FOXJ3: variants seen among roughly 807,000 people sequenced by gnomAD.
The protein encoded by FOXJ3 is forkhead box J3.
FOXJ3 carries 22 observed loss-of-function variants against 76.1 expected under a neutral mutation model. The ratio of observed to expected loss-of-function variants is 0.29; its 90% CI spans 0.21 to 0.41. FOXJ3 has a LOEUF of 0.41. Among genes scored for constraint, FOXJ3 ranks in the 10% least tolerant of loss-of-function variants. The pLI, the probability that FOXJ3 is intolerant of heterozygous loss-of-function variation, is 1.00. For missense variants in FOXJ3, 613 were observed against 762.1 expected (o/e 0.80, Z 2.30); for synonymous variants, 269 against 261.2 (o/e 1.03, Z -0.29).
chr1:42,331,828 TTAA>T (rs1656182754), intron 1 of FOXJ3, among the ~76,000 whole-genome samples: 1 of 148,658 alleles, frequency 6.7e-6, no homozygotes, highest in African/African-American at 2.5e-5. Context: ...GAAAGCTTTT[TTAA>T]AAAAAAAAAA....
At chr1:42,200,036 A>T (rs1646731225) in intron 6 of FOXJ3, among the ~76,000 whole-genome samples, 1 of 149,172 alleles carries the variant, frequency 6.7e-6, no homozygotes. Flanking sequence ...AAAGGCAAAT[A>T]TAAAGGAAGA....
chr1:42,323,109 T>C (rs1655530270), intron 1 of FOXJ3, among the ~76,000 whole-genome samples: 1 of 152,178 alleles, frequency 6.6e-6, no homozygotes, highest in South Asian at 2.1e-4. Flanking sequence ...AGAAACTGGG[T>C]GTGTTTAGCT....
chr1:42,280,321 AG>A (rs1419687790), intron 2 of FOXJ3: 2 of 982,536 alleles, frequency 2.0e-6, no homozygotes, highest in Non-Finnish European at 2.4e-6. Context: ...CTTGATTTTC[AG>A]GTATGTTGAT....
At chr1:42,185,823 C>T (rs1646424292) in intron 11 of FOXJ3, among the ~76,000 whole-genome samples, 1 of 152,046 alleles carries the variant, frequency 6.6e-6, no homozygotes, top group Non-Finnish European at 1.5e-5. Flanking sequence ...CTCCCCTTCC[C>T]CCTTCCACAC....
chr1:42,181,865 T>TCACACA lies in FOXJ3; in HGVS notation c.1753+46_1753+51dup, dbSNP rs143175153. On this transcript the variant is annotated intron_variant, in intron 12 of 12. Coordinates refer to ENST00000361346, the MANE Select transcript of FOXJ3 (RefSeq NM_014947.5). ...CCTGCCATCGTTGTTCCTGGAGTGC[T>TCACACA]CACACACACACACACACACACACAC... 383 of 964,490 alleles carry TCACACA rather than the reference T, an allele frequency of 4.0e-4. 1 individual carries two copies. Among genetic ancestry groups the TCACACA allele is most frequent in the Middle Eastern group, 2.9e-3 (11 of 3,778 alleles). The allele number at this position is 964,490 out of a possible 1,614,324, so 59.7% of individuals were successfully genotyped here. A position where few individuals can be genotyped will look rare whatever the true frequency, so the allele number is the denominator to read the frequency against.
At chr1:42,248,264 G>A (rs1282657113) in intron 4 of FOXJ3, among the ~76,000 whole-genome samples, 3 of 152,134 alleles carry the variant, frequency 2.0e-5, no homozygotes, top group Admixed American at 6.5e-5. Flanking sequence ...GCCGGGCGTG[G>A]TGGCTCATGC....
intron 1 of FOXJ3, among the ~76,000 whole-genome samples, chr1:42,321,464 T>C (rs1348863238): frequency 3.3e-5 from 5 of 152,102 alleles, no homozygotes; most frequent in Admixed American, 6.5e-5. Context: ...CTGAGGTAAT[T>C]AGAGATCCAG....
At position 42,177,207 on chromosome 1, in the gene FOXJ3, G is replaced by T. The variant is rs1646231121; in HGVS notation, c.*2503C>A. ...CTCCTGGACCACCTGGATCACAGGA[G>T]AGTGGGATGGGTCTGGGTGAAGGCT... On this transcript the variant is annotated 3_prime_UTR_variant, in exon 13 of 13. Transcript: ENST00000361346. The T allele has an allele frequency of 6.5e-6, 1 of 152,696 alleles. No individual in the cohort carries two copies. The highest frequency in any genetic ancestry group is 2.1e-4 in the South Asian group (1 of 4,834). 9.5% of individuals were successfully genotyped at this position (152,696 alleles called of 1,614,324 possible).
chr1:42,192,465 CTATTA>C (rs1197249494), intron 8 of FOXJ3, among the ~76,000 whole-genome samples: 2 of 152,218 alleles, frequency 1.3e-5, no homozygotes, highest in African/African-American at 4.8e-5. Flanking sequence ...TTAAAAGAAA[CTATTA>C]TTTCTAACAC....
chr1:42,303,638 A>G (rs1389483996), intron 2 of FOXJ3, among the ~76,000 whole-genome samples: 1 of 152,250 alleles, frequency 6.6e-6, no homozygotes, highest in Non-Finnish European at 1.5e-5. Flanking sequence ...CAATAATAAA[A>G]GGCATCTTTA....
intron 9 of FOXJ3, among the ~76,000 whole-genome samples, chr1:42,191,033 G>GGATAACGTAA (rs1646530312): frequency 9.7e-6 from 1 of 103,332 alleles, no homozygotes; most frequent in East Asian, 2.8e-4. Context: ...TGATTTGGCA[G>GGATAACGTAA]GATAATGTAA....
chr1:42,324,156 A>G (rs1156434490), intron 1 of FOXJ3, among the ~76,000 whole-genome samples: 1 of 144,272 alleles, frequency 6.9e-6, no homozygotes, highest in Non-Finnish European at 1.5e-5. Flanking sequence ...CTATATATAC[A>G]CTGTGTATAT....
At chr1:42,291,657 TTTTG>T (rs1653445004) in intron 2 of FOXJ3, among the ~76,000 whole-genome samples, 1 of 151,906 alleles carries the variant, frequency 6.6e-6, no homozygotes, top group African/African-American at 2.4e-5. Context: ...AAATTTTTGT[TTTTG>T]TTTTTGTTTT....
intron 1 of FOXJ3, among the ~76,000 whole-genome samples, chr1:42,333,556 C>G (rs933789079): frequency 6.6e-6 from 1 of 152,200 alleles, no homozygotes; most frequent in Admixed American, 6.5e-5. Context: ...TTAATCACGT[C>G]TATATAATAT....
At chr1:42,206,309 A>C (rs1421836996) in intron 5 of FOXJ3, among the ~76,000 whole-genome samples, 1 of 152,188 alleles carries the variant, frequency 6.6e-6, no homozygotes, top group East Asian at 1.9e-4. Context: ...GATGTGTGCC[A>C]CTTCTGGGTC....
intron 5 of FOXJ3, among the ~76,000 whole-genome samples, chr1:42,213,577 C>T (rs1016506028): frequency 6.6e-6 from 1 of 151,606 alleles, no homozygotes; most frequent in Non-Finnish European, 1.5e-5. Context: ...CTCCCAGATT[C>T]ATAAAATCAC....
At chr1:42,183,907 A>G (rs1018099850) in intron 11 of FOXJ3, among the ~76,000 whole-genome samples, 1 of 152,058 alleles carries the variant, frequency 6.6e-6, no homozygotes, top group African/African-American at 2.4e-5. Context: ...AGAATTCAAG[A>G]CTTCTGACCC....
At chr1:42,262,487 T>C (rs1405549378) in intron 4 of FOXJ3, among the ~76,000 whole-genome samples, 2 of 152,204 alleles carry the variant, frequency 1.3e-5, no homozygotes, top group Non-Finnish European at 2.9e-5. Context: ...TTTATTCACA[T>C]AAATGTATTT....
chr1:42,335,617 C>T (rs1656452429), upstream of FOXJ3: 1 of 152,066 alleles, frequency 6.6e-6, no homozygotes. Context: ...CCAACATCCG[C>T]CACCTCACCG....
Sources: allele counts gnomAD v4.1 joint callset (sites outside exome capture counted in the v4.1 genomes callset), GRCh38; gene constraint gnomAD v4.1.1; transcripts MANE v1.5; gene names NCBI Gene and HGNC (gene_info 2026-07-23, HGNC 2026-07-21).